The following ANKRD30A variants were observed in gnomAD, a reference collection of about 807,000 sequenced individuals.
The protein encoded by ANKRD30A is ankyrin repeat domain-containing protein 30A.
ANKRD30A carries 170 observed loss-of-function variants against 166.3 expected under a neutral mutation model. The ratio of observed to expected loss-of-function variants is 1.02; its 90% CI spans 0.90 to 1.16. The LOEUF (loss-of-function observed/expected upper bound fraction) is 1.16, where lower values mean the gene tolerates loss of function less well. ANKRD30A is among the 50% of genes most tolerant of loss of function. The probability of loss-of-function intolerance (pLI) is 0.00; values close to 1 mark genes in which losing one functional copy is unlikely to be tolerated. For synonymous variants in ANKRD30A, 564 were observed against 508.9 expected, an observed-to-expected ratio of 1.11 and a Z score of -1.46; for missense variants, 1,630 against 1,518.0, an observed-to-expected ratio of 1.07 and a Z score of -1.23.
chr10:37,244,001 G>T, the ANKRD30A span, among the ~76,000 whole-genome samples: 1 of 151,992 alleles, frequency 6.6e-6, no homozygotes, highest in Admixed American at 6.6e-5. Context: ...GCTTTTGTAT[G>T]GCATCATTGT....
At chr10:37,171,715 A>C (rs1448862459) in intron 21 of ANKRD30A, among the ~76,000 whole-genome samples, 2 of 151,218 alleles carry the variant, frequency 1.3e-5, no homozygotes, top group African/African-American at 4.9e-5. Context: ...TTTTAAAAAG[A>C]TATAAATCAA....
chr10:37,193,388 CA>C (rs1840766394), intron 27 of ANKRD30A, 130 bp downstream of exon 27: 1 of 1,223,354 alleles, frequency 8.2e-7, no homozygotes. Flanking sequence ...CAAATAATGC[CA>C]ATGTGAGTAT....
chr10:37,162,560 G>C, intron 15 of ANKRD30A, 89 bp from the exon 16 acceptor site: 4 of 1,526,980 alleles, frequency 2.6e-6, no homozygotes, highest in Non-Finnish European at 3.6e-6. Context: ...TGGAGCAAGA[G>C]GAGTCAGTTA....
the ANKRD30A span, among the ~76,000 whole-genome samples, chr10:37,243,166 G>A: frequency 7.1e-6 from 1 of 140,672 alleles, no homozygotes; most frequent in Non-Finnish European, 1.5e-5. Flanking sequence ...ACGGAGTCTC[G>A]CTCTGTCGCC....
downstream of ANKRD30A, among the ~76,000 whole-genome samples, chr10:37,234,509 A>G (rs1219126322): frequency 1.3e-5 from 2 of 152,108 alleles, no homozygotes; most frequent in Non-Finnish European, 2.9e-5. Context: ...AAGACAATTC[A>G]TGGCACCCAG....
chr10:37,252,933 A>G, the ANKRD30A span, among the ~76,000 whole-genome samples: 1 of 152,186 alleles, frequency 6.6e-6, no homozygotes, highest in Non-Finnish European at 1.5e-5. Context: ...TTTTAGACAA[A>G]TGCCCTTTAT....
chr10:37,212,761 C>T (rs1197053642), intron 31 of ANKRD30A, among the ~76,000 whole-genome samples: 2 of 151,726 alleles, frequency 1.3e-5, no homozygotes, highest in East Asian at 1.9e-4. Flanking sequence ...AGGAAGGGGT[C>T]GAGTTTCAGT....
intron 31 of ANKRD30A, among the ~76,000 whole-genome samples, chr10:37,205,311 A>G (rs1346720005): frequency 1.3e-5 from 2 of 152,288 alleles, no homozygotes; most frequent in Non-Finnish European, 1.5e-5. Flanking sequence ...GACATGGATG[A>G]AGCTGGAAAC....
chr10:37,161,582 A>G (rs1339267001), intron 15 of ANKRD30A, among the ~76,000 whole-genome samples: 1 of 152,180 alleles, frequency 6.6e-6, no homozygotes, highest in Admixed American at 6.5e-5. Context: ...AACTCACTTC[A>G]GTTGCATTTA....
At chr10:37,226,264 A>T (rs1338658042) in intron 34 of ANKRD30A, among the ~76,000 whole-genome samples, 1 of 36,428 alleles carries the variant, frequency 2.7e-5, no homozygotes, top group Non-Finnish European at 5.1e-5. Flanking sequence ...CCCTCCCCCC[A>T]CCCCACAACA....
chr10:37,205,749 T>C lies in ANKRD30A; in HGVS notation c.2869+4424T>C, dbSNP rs146754914. Among the ~76,000 whole-genome samples, 151 of 152,350 alleles carry C rather than the reference T, an allele frequency of 9.9e-4. 1 individual carries two copies. Among genetic ancestry groups the C allele is most frequent in the Middle Eastern group, 3.4e-3 (1 of 292 alleles). On this transcript the variant is annotated intron_variant, in intron 31 of 35. Coordinates refer to ENST00000361713, the MANE Select transcript of ANKRD30A (RefSeq NM_052997.3). ...ACATGTATATATTTTTTCAGTATTGTCTAGAAGGTTTCAAACTTTAAGAAA... is the reference window on the plus strand; with the variant it reads ...ACATGTATATATTTTTTCAGTATTGCCTAGAAGGTTTCAAACTTTAAGAAA...
chr10:37,202,379 G>A (rs1246012620), intron 31 of ANKRD30A, among the ~76,000 whole-genome samples: 1 of 152,092 alleles, frequency 6.6e-6, no homozygotes, highest in Non-Finnish European at 1.5e-5. Context: ...ACCTCCTCCA[G>A]AATGACTACT....
chr10:37,127,708 G>A (rs1168520441), intron 1 of ANKRD30A, among the ~76,000 whole-genome samples: 1 of 151,990 alleles, frequency 6.6e-6, no homozygotes, highest in Non-Finnish European at 1.5e-5. Flanking sequence ...TAGTGTTCCT[G>A]GTTAGAGAAG....
intron 31 of ANKRD30A, among the ~76,000 whole-genome samples, chr10:37,209,431 G>A (rs1191372594): frequency 1.3e-5 from 2 of 152,100 alleles, no homozygotes; most frequent in Non-Finnish European, 2.9e-5. Flanking sequence ...GCAAGAGAGA[G>A]AGGTGGGAGG....
rs1835965636 is a variant in ANKRD30A, at chr10:37,125,820, C to T, written c.33C>T (p.Val11=). The change falls in exon 1 of 36, where the codon GTC becomes GTT. Residue 11 remains valine (V), a synonymous_variant. Transcript: ENST00000361713. ...AGATCTCTGCCGCCGCTGTCAAGGTCGTGCCGGGCCCGGAGCGCCCGAGCC... is the reference window on the plus strand; with the variant it reads ...AGATCTCTGCCGCCGCTGTCAAGGTTGTGCCGGGCCCGGAGCGCCCGAGCC... MEEISAAAVK[V]VPGPERPSPF... is the part of the protein sequence containing the mutation. 6.0e-6 allele frequency: 5 copies of T among 833,690 alleles called. No homozygotes were observed. The highest frequency in any genetic ancestry group is 9.6e-6 in the Non-Finnish European group (5 of 519,114). The allele number at this position is 833,690 out of a possible 1,614,324, so 51.6% of individuals were successfully genotyped here.
At chr10:37,152,280 G>A (rs1838008444) in intron 12 of ANKRD30A, among the ~76,000 whole-genome samples, 159 bp downstream of exon 12, 1 of 152,080 alleles carries the variant, frequency 6.6e-6, no homozygotes. Context: ...TATGTGCTAA[G>A]TAGATTACTG....
rs1311303095 is a variant in ANKRD30A at position 37,125,599 on chromosome 10, G to A, written c.-189G>A. On this transcript the variant is annotated 5_prime_UTR_variant, in exon 1 of 36. Transcript: ENST00000361713. ...GCTGCGCATGCGCTGCTGGCTAACG[G>A]CTCTGCTCAGCGCGATTCTACTGAG... is the stretch of plus-strand genomic sequence containing the variant. 1.3e-5 allele frequency among the ~76,000 whole-genome samples: 2 copies of A among 152,182 alleles called. No individual in the cohort carries two copies. The highest frequency in any genetic ancestry group is 4.8e-5 in the African/African-American group (2 of 41,462).
downstream of ANKRD30A, among the ~76,000 whole-genome samples, chr10:37,234,145 T>C (rs1251651917): frequency 1.3e-5 from 2 of 152,174 alleles, no homozygotes; most frequent in African/African-American, 4.8e-5. Flanking sequence ...TTCTTGCACC[T>C]GTCACCAACA....
intron 15 of ANKRD30A, among the ~76,000 whole-genome samples, chr10:37,161,128 T>G (rs970843353): frequency 6.6e-6 from 1 of 152,230 alleles, no homozygotes; most frequent in Middle Eastern, 3.4e-3. Flanking sequence ...GTGGCACGCA[T>G]TTCTAATAAG....
Sources: gnomAD v4.1 joint callset for allele counts (sites outside exome capture counted in the v4.1 genomes callset) on GRCh38, gnomAD v4.1.1 for gene constraint, MANE v1.5 for transcripts, NCBI Gene and HGNC (gene_info 2026-07-23, HGNC 2026-07-21) for gene names.